The following NIN variants were observed in gnomAD, a reference collection of about 807,000 sequenced individuals.
NIN encodes the protein glycogen synthase kinase 3 beta-interacting protein.
Under a neutral mutation model 257.6 loss-of-function variants are expected in NIN, and 137 were observed. The observed-to-expected ratio is 0.53, with a 90% CI of 0.46 to 0.61. The LOEUF (loss-of-function observed/expected upper bound fraction) is 0.61. NIN is among the 20% of genes least tolerant of loss of function. The probability of loss-of-function intolerance (pLI) is 0.00; values close to 1 mark genes in which losing one functional copy is unlikely to be tolerated. For missense variants in NIN, 2,439 were observed against 2,501.2 expected, an observed-to-expected ratio of 0.98 and a Z score of 0.53; for synonymous variants, 918 against 919.8, an observed-to-expected ratio of 1.00 and a Z score of 0.04.
chr14:50,779,723 A>G (rs1158992071), intron 5 of NIN, among the ~76,000 whole-genome samples: 2 of 151,356 alleles, frequency 1.3e-5, no homozygotes, highest in East Asian at 2.0e-4. Context: ...GCGCCACTGC[A>G]CTCCAGCCTG....
At chr14:50,726,367 TA>T in intron 29 of NIN, 1 of 275,872 alleles carries the variant, frequency 3.6e-6, no homozygotes, top group Non-Finnish European at 6.9e-6. Flanking sequence ...GTACCTCTAG[TA>T]AAATGGACAT....
At position 50,827,108 on chromosome 14, in the gene NIN, C is replaced by A. The variant is rs539595756; in HGVS notation, c.-22+3356G>T. ...ATCAAATTAAAGTGCTCTTTTTCTT[C>A]TTTCTTTTCTGCAAATACTTTAATT... On this transcript the variant is annotated intron_variant, in intron 2 of 30. Coordinates refer to ENST00000530997, the MANE Select transcript of NIN (RefSeq NM_020921.4). Among the ~76,000 whole-genome samples, 4 of 152,330 alleles carry A rather than the reference C, an allele frequency of 2.6e-5. No homozygotes were observed. In the East Asian group the frequency reaches 7.7e-4, roughly 29 times the overall value.
At chr14:50,808,528 A>G (rs57429185) in intron 3 of NIN, among the ~76,000 whole-genome samples, 1,884 of 152,314 alleles carry the variant, frequency 0.012, 33 homozygotes, top group African/African-American at 0.043. Context: ...TGGAGACATT[A>G]CGAAGCCTCT....
intron 22 of NIN, among the ~76,000 whole-genome samples, chr14:50,745,942 A>G (rs2041516404): frequency 6.6e-6 from 1 of 152,076 alleles, no homozygotes; most frequent in East Asian, 1.9e-4. Flanking sequence ...CTTGGGATCC[A>G]AAAGGATCCA....
At position 50,741,601 on chromosome 14, in the gene NIN, A is replaced by G. The variant is rs763739380; in HGVS notation, c.5429T>C (p.Leu1810Pro). 1 of 1,613,984 alleles carries G rather than the reference A, an allele frequency of 6.2e-7. No homozygotes were observed. The highest frequency in any genetic ancestry group is 8.5e-7 in the Non-Finnish European group (1 of 1,179,972). ...AATCACCTTGCCACCAGCATTCTGAAGTTGCTTATGTAAAGACATCACTTC... is the reference window on the plus strand; with the variant it reads ...AATCACCTTGCCACCAGCATTCTGAGGTTGCTTATGTAAAGACATCACTTC... Reference protein sequence around the residue: ...KQEVMSLHKQLQNAGGKSWAP... With the variant: ...KQEVMSLHKQPQNAGGKSWAP... Residue 1810 changes from leucine to proline, a missense_variant, in exon 25 of 31, where the codon CTT (leucine) becomes CCT (proline). By Grantham distance (98) the Leu-to-Pro change is moderately conservative. Around this residue, in one of 3 missense-constraint regions of NIN, gnomAD observed 2,043 missense variants for 2,050.2 expected, o/e 1.00. Transcript: ENST00000530997.
At chr14:50,823,478 G>C (rs1350573572) in intron 2 of NIN, 7 of 276,428 alleles carry the variant, frequency 2.5e-5, no homozygotes, top group Non-Finnish European at 7.4e-6. Flanking sequence ...AACACAGCCA[G>C]AACTGAAAAT....
intron 22 of NIN, 119 bp from the exon 23 acceptor site, chr14:50,744,484 G>T: frequency 9.5e-7 from 1 of 1,057,498 alleles, no homozygotes. Flanking sequence ...GGATATTTCA[G>T]AGGACATAAA....
intron 5 of NIN, among the ~76,000 whole-genome samples, chr14:50,791,882 C>T (rs1317806138): frequency 4.6e-5 from 7 of 151,596 alleles, no homozygotes; most frequent in East Asian, 3.9e-4. Context: ...AAAGTTGAGG[C>T]GCTTTGTTTC....
At chr14:50,758,673 C>T (rs1351947501) in intron 17 of NIN, 43 bp from the exon 18 acceptor site, 3 of 1,508,216 alleles carry the variant, frequency 2.0e-6, no homozygotes, top group Non-Finnish European at 1.8e-6. Flanking sequence ...CTGCCGCCAA[C>T]TCCAGAAGCA....
chr14:50,755,663 TTTTTTTTTTTTTTTTA>T (rs1373114457), intron 18 of NIN, among the ~76,000 whole-genome samples: 30 of 52,472 alleles, frequency 5.7e-4, no homozygotes, highest in Non-Finnish European at 7.1e-4. Flanking sequence ...TTTTTTTTTT[TTTTTTTTTTTTTTTTA>T]AAAGAGACAG....
intron 22 of NIN, among the ~76,000 whole-genome samples, chr14:50,745,284 C>T (rs2140565246): frequency 6.6e-6 from 1 of 152,216 alleles, no homozygotes; most frequent in East Asian, 1.9e-4. Flanking sequence ...GCAGTAACCC[C>T]CCACCTTCCA....
At chr14:50,744,134 C>G in intron 23 of NIN, 109 bp downstream of exon 23, 2 of 1,241,178 alleles carry the variant, frequency 1.6e-6, no homozygotes, top group Non-Finnish European at 2.3e-6. Context: ...CCAGGACACT[C>G]TGGAACAACA....
At chr14:50,770,673 A>G (rs1446633185) in intron 11 of NIN, 111 bp from the exon 12 acceptor site, 4 of 1,392,948 alleles carry the variant, frequency 2.9e-6, no homozygotes, top group Non-Finnish European at 3.9e-6. Context: ...CCTGGATAAA[A>G]TATCTAGTGT....
chr14:50,727,509 C>CATAA (rs199838034), intron 29 of NIN: 1 of 1,205,120 alleles, frequency 8.3e-7, no homozygotes, highest in Non-Finnish European at 1.0e-6. Flanking sequence ...GTCATTTCTA[C>CATAA]ATAAATAAAT....
chr14:50,732,050 A>G (rs2040736188), intron 28 of NIN, among the ~76,000 whole-genome samples: 1 of 152,216 alleles, frequency 6.6e-6, no homozygotes, highest in Non-Finnish European at 1.5e-5. Context: ...TGAACCGCTC[A>G]TGTTGAAAAA....
At chr14:50,775,415 C>T (rs1168089276) in intron 7 of NIN, among the ~76,000 whole-genome samples, 1 of 152,154 alleles carries the variant, frequency 6.6e-6, no homozygotes, top group East Asian at 1.9e-4. Flanking sequence ...CGATTTCACT[C>T]TCTCTACCTA....
At chr14:50,731,398 C>T (rs1353373145) in intron 28 of NIN, among the ~76,000 whole-genome samples, 1 of 151,638 alleles carries the variant, frequency 6.6e-6, no homozygotes, top group Non-Finnish European at 1.5e-5. Context: ...GGCATGGTGG[C>T]ACGTCGCCTT....
rs745827102 is a variant in NIN, at chr14:50,770,885, G to T, written c.1226C>A (p.Ala409Glu). ...LMASEVDDHHAAIERRNEYNL... is the reference protein window; with the variant it reads ...LMASEVDDHHEAIERRNEYNL... ...GTACTCATTCCGCCGCTCTATGGCCGCATGGTGATCATCCACCTCCGAGGC... is the reference window on the plus strand; with the variant it reads ...GTACTCATTCCGCCGCTCTATGGCCTCATGGTGATCATCCACCTCCGAGGC... Residue 409 changes from alanine (A) to glutamate (E), a missense_variant, in exon 11 of 31, where the codon GCG becomes GAG. This residue lies in a region of NIN where 2,043 missense variants were observed against 2,050.2 expected (regional missense o/e 1.00). Transcript: ENST00000530997. 2 of 1,613,820 alleles carry T rather than the reference G, an allele frequency of 1.2e-6. No individual in the cohort carries two copies. The highest frequency in any genetic ancestry group is 1.7e-6 in the Non-Finnish European group (2 of 1,179,964).
intron 17 of NIN, 143 bp downstream of exon 17, chr14:50,759,714 C>A: frequency 1.2e-6 from 1 of 818,652 alleles, no homozygotes; most frequent in South Asian, 1.7e-5. Flanking sequence ...AGGTCTCGAT[C>A]TCCTGACCTC....
Sources: gnomAD v4.1 joint callset for allele counts (sites outside exome capture counted in the v4.1 genomes callset) on GRCh38, gnomAD v4.1.1 for gene constraint, gnomAD v4.1.1 regional missense constraint, MANE v1.5 for transcripts, NCBI Gene and HGNC (gene_info 2026-07-23, HGNC 2026-07-21) for gene names.